The following LINGO2 variants were observed in gnomAD, a reference collection of about 807,000 sequenced individuals.
The protein encoded by LINGO2 is leucine rich repeat and Ig domain containing 2.
A neutral mutation model predicts 30.6 loss-of-function variants in LINGO2; 14 were observed. The ratio of observed to expected loss-of-function variants is 0.46; its 90% CI spans 0.30 to 0.72. The LOEUF (loss-of-function observed/expected upper bound fraction) is 0.72. Among genes scored for constraint, LINGO2 ranks in the 30% least tolerant of loss-of-function variants. The pLI, the probability that LINGO2 is intolerant of heterozygous loss-of-function variation, is 0.07. For synonymous variants in LINGO2, 317 were observed against 288.5 expected (o/e 1.10, Z -1.00); for missense variants, 729 against 751.7 (o/e 0.97, Z 0.35).
chr9:28,661,407 T>C (rs934026133), intron 1 of LINGO2, among the ~76,000 whole-genome samples: 5 of 152,102 alleles, frequency 3.3e-5, no homozygotes, highest in African/African-American at 9.7e-5. Flanking sequence ...GGTACAATAC[T>C]GAATCTAGGA....
At chr9:29,206,515 T>C in the LINGO2 span, among the ~76,000 whole-genome samples, 22 of 152,188 alleles carry the variant, frequency 1.4e-4, no homozygotes, top group African/African-American at 5.3e-4. Flanking sequence ...TTTATATATT[T>C]ATTGTTTACT....
intron 4 of LINGO2, among the ~76,000 whole-genome samples, chr9:28,150,476 C>T (rs1411427455): frequency 2.0e-5 from 3 of 152,142 alleles, no homozygotes; most frequent in East Asian, 1.9e-4. Context: ...CCCAGCTACT[C>T]GGGAGGCTGA....
intron 2 of LINGO2, among the ~76,000 whole-genome samples, chr9:28,446,234 A>C (rs992943957): frequency 6.6e-6 from 1 of 152,200 alleles, no homozygotes; most frequent in African/African-American, 2.4e-5. Flanking sequence ...AGAGTCATCA[A>C]AGCTAATTCT....
chr9:28,008,475 A>T lies in LINGO2; in HGVS notation c.-36+3880T>A, dbSNP rs10968274. On this transcript the variant is annotated intron_variant, in intron 5 of 5. Coordinates refer to ENST00000379992, the Ensembl canonical transcript of LINGO2. Reference sequence around the variant, plus strand: ...TTGCACTGAAGATTCTACTCAAGACAGTTATGGAAGGAAAAAAAGGAAAAG... The same window carrying T: ...TTGCACTGAAGATTCTACTCAAGACTGTTATGGAAGGAAAAAAAGGAAAAG... Among the ~76,000 whole-genome samples, 2,116 of 71,066 alleles carry T rather than the reference A, an allele frequency of 0.03. 212 individuals are homozygous for T. In the East Asian group the frequency reaches 0.39, roughly 13 times the overall value. 46.6% of individuals were successfully genotyped at this position (71,066 alleles called of 152,430 possible). A position where few individuals can be genotyped will look rare whatever the true frequency, so the allele number is the denominator to read the frequency against.
chr9:28,664,416 G>T (rs1281684660), intron 1 of LINGO2, among the ~76,000 whole-genome samples: 3 of 152,042 alleles, frequency 2.0e-5, no homozygotes, highest in Admixed American at 1.3e-4. Flanking sequence ...CTACTCACTC[G>T]CAATTTAAGC....
intron 4 of LINGO2, among the ~76,000 whole-genome samples, chr9:28,198,205 T>C (rs1820085095): frequency 6.6e-6 from 1 of 151,054 alleles, no homozygotes; most frequent in East Asian, 1.9e-4. Context: ...TAAGTTACAA[T>C]GTTTTATTAA....
At chr9:28,388,928 C>T (rs2134676373) in intron 2 of LINGO2, among the ~76,000 whole-genome samples, 1 of 152,124 alleles carries the variant, frequency 6.6e-6, no homozygotes, top group South Asian at 2.1e-4. Flanking sequence ...TTGGATTTCC[C>T]AAGTAGAATG....
At chr9:28,824,294 C>T in the LINGO2 span, among the ~76,000 whole-genome samples, 1 of 152,106 alleles carries the variant, frequency 6.6e-6, no homozygotes, top group Non-Finnish European at 1.5e-5. Context: ...ATATCTGTTT[C>T]TAGACCCTGA....
chr9:28,433,949 C>CTATATATATATATATAAATATATA (rs1823803607), intron 2 of LINGO2, among the ~76,000 whole-genome samples: 1 of 88,480 alleles, frequency 1.1e-5, no homozygotes, highest in African/African-American at 4.5e-5. Flanking sequence ...CTCTCTCTCT[C>CTATATATATATATATAAATATATA]TATATATATA....
chr9:27,972,685 G>C (rs1343151388), intron 5 of LINGO2, among the ~76,000 whole-genome samples: 1 of 152,154 alleles, frequency 6.6e-6, no homozygotes, highest in Non-Finnish European at 1.5e-5. Context: ...TTCCAGGCAG[G>C]CTGGTATTGA....
intron 4 of LINGO2, among the ~76,000 whole-genome samples, chr9:28,103,583 C>T (rs1322813335): frequency 6.6e-6 from 1 of 152,124 alleles, no homozygotes; most frequent in Non-Finnish European, 1.5e-5. Flanking sequence ...GCAGAACTGC[C>T]ACACTGACCA....
the LINGO2 span, among the ~76,000 whole-genome samples, chr9:29,018,329 G>A: frequency 6.6e-6 from 1 of 151,516 alleles, no homozygotes; most frequent in East Asian, 1.9e-4. Flanking sequence ...GGGGAGCATG[G>A]GCTGTAAAAA....
intron 4 of LINGO2, among the ~76,000 whole-genome samples, chr9:28,212,474 A>C (rs1820624796): frequency 6.6e-6 from 1 of 151,398 alleles, no homozygotes; most frequent in Non-Finnish European, 1.5e-5. Context: ...GGTTTCTTTC[A>C]TTCTGTTCAT....
intron 5 of LINGO2, among the ~76,000 whole-genome samples, chr9:27,986,309 A>G (rs1821121019): frequency 6.6e-6 from 1 of 151,868 alleles, no homozygotes; most frequent in Non-Finnish European, 1.5e-5. Context: ...CAAAAACAAA[A>G]AAGAAAAGGA....
intron 4 of LINGO2, among the ~76,000 whole-genome samples, chr9:28,164,334 A>G (rs1828369068): frequency 6.6e-6 from 1 of 152,218 alleles, no homozygotes; most frequent in South Asian, 2.1e-4. Flanking sequence ...CAACTATATT[A>G]ACAAAATATA....
intron 5 of LINGO2, among the ~76,000 whole-genome samples, chr9:27,984,971 G>A (rs553056773): frequency 2.5e-4 from 38 of 152,006 alleles, no homozygotes; most frequent in African/African-American, 6.7e-4. Flanking sequence ...AAACAATAGA[G>A]TTTTAGGGGA....
At chr9:28,577,211 T>A (rs1354913309) in intron 1 of LINGO2, among the ~76,000 whole-genome samples, 1 of 152,198 alleles carries the variant, frequency 6.6e-6, no homozygotes, top group East Asian at 1.9e-4. Flanking sequence ...TAGCTCTTGT[T>A]CCAGAGGTCA....
At chr9:29,054,577 C>A in the LINGO2 span, among the ~76,000 whole-genome samples, 1 of 152,096 alleles carries the variant, frequency 6.6e-6, no homozygotes, top group Non-Finnish European at 1.5e-5. Flanking sequence ...CGGGCCTCAA[C>A]TACTAATGTA....
chr9:28,159,780 A>T (rs916559485), intron 4 of LINGO2, among the ~76,000 whole-genome samples: 2 of 152,186 alleles, frequency 1.3e-5, no homozygotes, highest in Admixed American at 1.3e-4. Flanking sequence ...TGCTTAACTA[A>T]CTATAAACGA....
Sources: allele counts gnomAD v4.1 joint callset (sites outside exome capture counted in the v4.1 genomes callset), GRCh38; gene constraint gnomAD v4.1.1; transcripts MANE v1.5; gene names NCBI Gene and HGNC (gene_info 2026-07-23, HGNC 2026-07-21).